The following DCLK3 variants were observed in gnomAD, a reference collection of about 807,000 sequenced individuals.
DCLK3 encodes serine/threonine-protein kinase DCLK3.
Under a neutral mutation model 46.4 loss-of-function variants are expected in DCLK3, and 30 were observed. The observed-to-expected ratio is 0.65, with a 90% CI of 0.48 to 0.88. The LOEUF (loss-of-function observed/expected upper bound fraction) is 0.88. DCLK3 is among the 40% of genes least tolerant of loss of function. DCLK3 has a pLI of 0.00. For missense variants in DCLK3, 846 were observed against 907.1 expected (o/e 0.93, Z 0.87); for synonymous variants, 401 against 339.2 (o/e 1.18, Z -2.00).
chr3:36,720,810 T>G (rs1211705090), intron 3 of DCLK3, among the ~76,000 whole-genome samples: 4 of 152,112 alleles, frequency 2.6e-5, no homozygotes, highest in African/African-American at 9.7e-5. Flanking sequence ...CCTGGCCATC[T>G]CCTCATCTTA....
chr3:36,718,727 T>A (rs531740207), intron 3 of DCLK3, among the ~76,000 whole-genome samples: 1 of 152,280 alleles, frequency 6.6e-6, no homozygotes, highest in South Asian at 2.1e-4. Flanking sequence ...TCCATTGTCT[T>A]CTCTCTCACT....
In DCLK3 at chr3:36,731,338, C is replaced by T. The variant is rs79023732; in HGVS notation, c.1959+5870G>A. ...CACAGTTCCCCAACCCAGAGAATGG[C>T]TCCATCATCACATAAAGATGCTGTC... On this transcript the variant is annotated intron_variant, in intron 2 of 4. Transcript: ENST00000636136. Among the ~76,000 whole-genome samples the T allele has an allele frequency of 2.2e-3, 330 of 152,182 alleles. 2 individuals are homozygous for T. Among genetic ancestry groups the T allele is most frequent in the South Asian group, 8.9e-3 (43 of 4,806 alleles).
chr3:36,715,132 A>G lies in DCLK3; in HGVS notation c.*196T>C, dbSNP rs1366386980. 1 of 651,386 alleles carries G rather than the reference A, an allele frequency of 1.5e-6. No individual in the cohort carries two copies. The highest frequency in any genetic ancestry group is 2.5e-6 in the Non-Finnish European group (1 of 401,772). 40.4% of individuals were successfully genotyped at this position (651,386 alleles called of 1,614,324 possible). On this transcript the variant is annotated 3_prime_UTR_variant, in exon 5 of 5. Transcript: ENST00000636136. ...CAAAAATGTATTAAAGGCTTTAAAT[A>G]TACAAATCTAAAAATATGTTGTGAC...
rs146566215 is a variant in DCLK3, at chr3:36,714,773, C to T, written c.*555G>A. 6.6e-6 allele frequency: 1 copy of T among 152,434 alleles called. No individual in the cohort carries two copies. Among genetic ancestry groups the T allele is most frequent in the Non-Finnish European group, 1.5e-5 (1 of 68,166 alleles). 9.4% of individuals were successfully genotyped at this position (152,434 alleles called of 1,614,324 possible). A position where few individuals can be genotyped will look rare whatever the true frequency, so the allele number is the denominator to read the frequency against. On this transcript the variant is annotated 3_prime_UTR_variant, in exon 5 of 5. Coordinates refer to ENST00000636136, the MANE Select transcript of DCLK3 (RefSeq NM_001394672.2). ...TGCAAGAGACCAAGATTAGTGCATC[C>T]TAAATAAACAGGTCTTGTCAACTAA...
Position 36,738,032 on chromosome 3 carries a change from G to A in DCLK3, c.1135C>T (p.Pro379Ser). ...GDSHRSSPRNPTQELRRPSKS... is the reference protein window; with the variant it reads ...GDSHRSSPRNSTQELRRPSKS... ...CTGGGTCTCCTCAGCTCTTGAGTGG[G>A]ATTCCTGGGGCTGCTCCTGTGGCTG... The change falls in exon 2 of 5, where the codon CCC (proline) becomes TCC (serine). Residue 379 changes from proline to serine, a missense_variant. Pro to Ser is a moderately conservative substitution (Grantham distance 74, BLOSUM62 -1). Around this residue, in one of 3 missense-constraint regions of DCLK3, gnomAD observed 553 missense variants for 543.0 expected, o/e 1.02. Transcript: ENST00000636136. The A allele has an allele frequency of 6.2e-7, 1 of 1,614,036 alleles. No homozygotes were observed. Among genetic ancestry groups the A allele is most frequent in the African/African-American group, 1.3e-5 (1 of 75,016 alleles).
rs767641275 is a variant in DCLK3 at position 36,738,661 on chromosome 3, G to A, written c.506C>T (p.Ala169Val). ...DFFREGDAFI[A>V]MGKEPLTLKS... ...CAGTGTCAGTGGTTCTTTGCCCATA[G>A]CTATGAAAGCATCCCCTTCCCTGAA... Residue 169 changes from alanine (A) to valine (V), a missense_variant, in exon 2 of 5, where the codon GCT (alanine) becomes GTT (valine). By Grantham distance (64) the Ala-to-Val change is moderately conservative (BLOSUM62 0). Coordinates refer to ENST00000636136, the MANE Select transcript of DCLK3 (RefSeq NM_001394672.2). The A allele has an allele frequency of 7.6e-7, 1 of 1,322,266 alleles. No homozygotes were observed. The highest frequency in any genetic ancestry group is 9.7e-7 in the Non-Finnish European group (1 of 1,027,492). The allele number at this position is 1,322,266 out of a possible 1,614,324, so 81.9% of individuals were successfully genotyped here.
chr3:36,717,753 T>C (rs1365868204), intron 4 of DCLK3, among the ~76,000 whole-genome samples: 1 of 152,224 alleles, frequency 6.6e-6, no homozygotes, highest in African/African-American at 2.4e-5. Flanking sequence ...TATTTTTCTG[T>C]TCTGAGGTTC....
chr3:36,712,502 G>A lies in DCLK3; in HGVS notation c.*2826C>T, dbSNP rs1393924406. 6.6e-6 allele frequency: 1 copy of A among 152,066 alleles called. No homozygotes were observed. Among genetic ancestry groups the A allele is most frequent in the Admixed American group, 6.6e-5 (1 of 15,260 alleles). 9.4% of individuals were successfully genotyped at this position (152,066 alleles called of 1,614,324 possible). A position where few individuals can be genotyped will look rare whatever the true frequency, so the allele number is the denominator to read the frequency against. On this transcript the variant is annotated 3_prime_UTR_variant, in exon 5 of 5. Coordinates refer to ENST00000636136, the MANE Select transcript of DCLK3 (RefSeq NM_001394672.2). ...AAAAGTGTACAATTTGGTAAGTTTT[G>A]ACATATATACCCCCATAAATCCATT...
intron 2 of DCLK3, among the ~76,000 whole-genome samples, chr3:36,723,490 A>T (rs1247852112): frequency 1.3e-5 from 2 of 152,120 alleles, no homozygotes; most frequent in Non-Finnish European, 2.9e-5. Context: ...TCTTCATGGC[A>T]CCCCATCCTA....
chr3:36,725,180 C>A (rs140805397), intron 2 of DCLK3, among the ~76,000 whole-genome samples: 2 of 152,104 alleles, frequency 1.3e-5, no homozygotes, highest in Admixed American at 1.3e-4. Flanking sequence ...AGCCTGATGG[C>A]GGGCGCCTGT....
At chr3:36,715,785 C>T (rs1055183250) in intron 4 of DCLK3, among the ~76,000 whole-genome samples, 2 of 152,158 alleles carry the variant, frequency 1.3e-5, no homozygotes, top group African/African-American at 4.8e-5. Context: ...AGTTAATTTA[C>T]ATTTGCATTT....
chr3:36,741,108 C>T (rs1701340040), intron 1 of DCLK3, among the ~76,000 whole-genome samples: 1 of 152,188 alleles, frequency 6.6e-6, no homozygotes, highest in Non-Finnish European at 1.5e-5. Flanking sequence ...TTCTCACAGC[C>T]TCTTTAATTA....
At chr3:36,761,151 A>T (rs1370431255) in intron 1 of DCLK3, among the ~76,000 whole-genome samples, 1 of 152,142 alleles carries the variant, frequency 6.6e-6, no homozygotes, top group Non-Finnish European at 1.5e-5. Flanking sequence ...CTATTCTACC[A>T]CTTGCTATCC....
At chr3:36,760,336 A>G (rs1002086707) in intron 1 of DCLK3, among the ~76,000 whole-genome samples, 1 of 152,204 alleles carries the variant, frequency 6.6e-6, no homozygotes, top group Non-Finnish European at 1.5e-5. Context: ...TCCATGGTGT[A>G]TATGTGCCAC....
chr3:36,734,817 C>A (rs1701240869), intron 2 of DCLK3, among the ~76,000 whole-genome samples: 1 of 152,136 alleles, frequency 6.6e-6, no homozygotes, highest in Admixed American at 6.5e-5. Context: ...TACCCAGAGG[C>A]AAGTAGCTTG....
rs900436572 is a variant in DCLK3, at chr3:36,713,360, T to C, written c.*1968A>G. 2.0e-5 allele frequency: 3 copies of C among 152,204 alleles called. No individual in the cohort carries two copies. The highest frequency in any genetic ancestry group is 7.2e-5 in the African/African-American group (3 of 41,450). 9.4% of individuals were successfully genotyped at this position (152,204 alleles called of 1,614,324 possible). On this transcript the variant is annotated 3_prime_UTR_variant, in exon 5 of 5. Transcript: ENST00000636136. ...GGGTCAAGTGATGCTAATTTGAGGA[T>C]TGAAAATTCTCTTTTGGATTTAGTG...
At chr3:36,752,701 A>G (rs1364423756) in intron 1 of DCLK3, among the ~76,000 whole-genome samples, 1 of 152,162 alleles carries the variant, frequency 6.6e-6, no homozygotes, top group African/African-American at 2.4e-5. Context: ...AAGACCCTCA[A>G]ATTGCTCCAT....
chr3:36,725,330 G>A (rs1051311539), intron 2 of DCLK3, among the ~76,000 whole-genome samples: 1 of 151,072 alleles, frequency 6.6e-6, no homozygotes, highest in Non-Finnish European at 1.5e-5. Flanking sequence ...AAAAAACGGG[G>A]GGTGGGGCAG....
chr3:36,733,603 A>G (rs1472784269), intron 2 of DCLK3, among the ~76,000 whole-genome samples: 1 of 152,188 alleles, frequency 6.6e-6, no homozygotes. Flanking sequence ...AACACCACCC[A>G]GCATATTCCA....
Sources: allele counts gnomAD v4.1 joint callset (sites outside exome capture counted in the v4.1 genomes callset), GRCh38; gene constraint gnomAD v4.1.1; regional missense constraint gnomAD v4.1.1; transcripts MANE v1.5; gene names NCBI Gene and HGNC (gene_info 2026-07-23, HGNC 2026-07-21).